The following ALK variants were observed in gnomAD, a reference collection of about 807,000 sequenced individuals.
ALK encodes ALK receptor tyrosine kinase.
In ALK, 74 loss-of-function variants were observed where a neutral mutation model predicts 163.1. That is an observed-to-expected ratio of 0.45 (90% CI 0.38 to 0.55). The LOEUF is 0.55. Among genes scored for constraint, ALK ranks in the 20% least tolerant of loss-of-function variants. The probability of loss-of-function intolerance (pLI) is 0.00; values close to 1 mark genes in which losing one functional copy is unlikely to be tolerated. For missense variants in ALK, 2,063 were observed against 2,105.3 expected (o/e 0.98, Z 0.39); for synonymous variants, 960 against 843.2 (o/e 1.14, Z -2.40).
In ALK at chr2:29,546,427, T is replaced by G. The variant is rs1260738338; in HGVS notation, c.953-14311A>C. Among the ~76,000 whole-genome samples the G allele has an allele frequency of 3.3e-5, 5 of 152,198 alleles. No homozygotes were observed. In the South Asian group the frequency reaches 8.3e-4, roughly 25 times the overall value. On this transcript the variant is annotated intron_variant, in intron 3 of 28. Transcript: ENST00000389048. ...ATCCTCAAGGAAAATAGAAAAGCAC[T>G]TGATCTGACTAGAAGGAGAAAGGGG...
chr2:29,342,425 G>T (rs1374603779), intron 5 of ALK, among the ~76,000 whole-genome samples: 1 of 152,190 alleles, frequency 6.6e-6, no homozygotes, highest in Non-Finnish European at 1.5e-5. Context: ...TAGAATGGTG[G>T]TTACAGGGTC....
intron 1 of ALK, among the ~76,000 whole-genome samples, chr2:29,825,475 TGA>T (rs1382929426): frequency 6.6e-6 from 1 of 152,076 alleles, no homozygotes; most frequent in African/African-American, 2.4e-5. Flanking sequence ...GCCAGAGGAA[TGA>T]GAGACCTTGG....
At chr2:29,720,375 T>C (rs1477731716) in intron 1 of ALK, among the ~76,000 whole-genome samples, 1 of 152,068 alleles carries the variant, frequency 6.6e-6, no homozygotes, top group Non-Finnish European at 1.5e-5. Context: ...GGTTGAATAT[T>C]GCAGGGTTGA....
chr2:29,203,485 C>CTTTTTTTTTTTTTTTTTTTT lies in ALK; in HGVS notation c.3938+3666_3938+3685dup. Among the ~76,000 whole-genome samples the CTTTTTTTTTTTTTTTTTTTT allele has an allele frequency of 6.3e-3, 206 of 32,548 alleles. 93 individuals carry two copies. The highest frequency in any genetic ancestry group is 7.1e-3 in the Non-Finnish European group (137 of 19,384). 21.4% of individuals were successfully genotyped at this position (32,548 alleles called of 152,430 possible). A position where few individuals can be genotyped will look rare whatever the true frequency, so the allele number is the denominator to read the frequency against. ...TATCACCATTGGCCTGAGGATGTGC[C>CTTTTTTTTTTTTTTTTTTTT]TTTTTTTTTTTTTTTTTTTTTTTTT... On this transcript the variant is annotated intron_variant, in intron 26 of 28. Transcript: ENST00000389048.
At chr2:29,481,245 T>C (rs1453857633) in intron 4 of ALK, among the ~76,000 whole-genome samples, 3 of 152,212 alleles carry the variant, frequency 2.0e-5, no homozygotes, top group Non-Finnish European at 4.4e-5. Flanking sequence ...CATTTCATCA[T>C]TTTCCTCTTA....
At chr2:29,509,742 A>C (rs756072654) in intron 4 of ALK, among the ~76,000 whole-genome samples, 5 of 152,200 alleles carry the variant, frequency 3.3e-5, no homozygotes, top group African/African-American at 4.8e-5. Context: ...ACAACAACTA[A>C]AATAACCTTT....
At chr2:29,814,283 G>A (rs1558499989) in intron 1 of ALK, among the ~76,000 whole-genome samples, 1 of 152,014 alleles carries the variant, frequency 6.6e-6, no homozygotes, top group Admixed American at 6.6e-5. Flanking sequence ...ACAGCCCAGT[G>A]GTGATCCTCC....
chr2:29,479,957 C>T (rs1484428704), intron 4 of ALK, among the ~76,000 whole-genome samples: 1 of 152,206 alleles, frequency 6.6e-6, no homozygotes, highest in African/African-American at 2.4e-5. Context: ...GTTGTTTGTT[C>T]TTCCTAAACA....
intron 3 of ALK, among the ~76,000 whole-genome samples, chr2:29,680,275 C>T (rs1328866633): frequency 6.6e-6 from 1 of 151,842 alleles, no homozygotes; most frequent in East Asian, 1.9e-4. Context: ...ATTTTGCCCC[C>T]CTTTTCTTTT....
chr2:29,404,394 C>T (rs1230178195), intron 4 of ALK, among the ~76,000 whole-genome samples: 1 of 150,974 alleles, frequency 6.6e-6, no homozygotes, highest in Non-Finnish European at 1.5e-5. Context: ...TCAAACAGAA[C>T]ACCTTACAGT....
chr2:29,726,832 G>A (rs1408238021), intron 1 of ALK, among the ~76,000 whole-genome samples: 1 of 152,168 alleles, frequency 6.6e-6, no homozygotes, highest in Non-Finnish European at 1.5e-5. Flanking sequence ...CTCTTTTACA[G>A]ATGAAAAGAT....
At chr2:29,688,767 C>T (rs149371244) in intron 3 of ALK, among the ~76,000 whole-genome samples, 567 of 152,328 alleles carry the variant, frequency 3.7e-3, no homozygotes, top group Non-Finnish European at 6.6e-3. Flanking sequence ...TTTCTTACCT[C>T]TCCTGACTGT....
intron 4 of ALK, among the ~76,000 whole-genome samples, chr2:29,438,062 G>A (rs1670447491): frequency 1.3e-5 from 2 of 151,588 alleles, no homozygotes; most frequent in South Asian, 4.2e-4. Context: ...ACCTTCAGAG[G>A]GCTGCCTTTA....
chr2:29,594,590 G>C (rs945851304), intron 3 of ALK, among the ~76,000 whole-genome samples: 1 of 151,790 alleles, frequency 6.6e-6, no homozygotes, highest in South Asian at 2.1e-4. Context: ...TACCATGCTT[G>C]GCTAATTTTT....
At chr2:29,275,318 G>A in intron 10 of ALK, 84 bp downstream of exon 10, 2 of 1,606,078 alleles carry the variant, frequency 1.2e-6, no homozygotes, top group South Asian at 1.1e-5. Context: ...GGGAGAGACA[G>A]TCAGGCTTAG....
intron 13 of ALK, 122 bp from the exon 14 acceptor site, chr2:29,233,818 T>A (rs1327646013): frequency 1.5e-6 from 2 of 1,310,352 alleles, no homozygotes; most frequent in Admixed American, 1.8e-5. Flanking sequence ...ACAGTTGAGT[T>A]GAGGAGGCAG....
intron 15 of ALK, among the ~76,000 whole-genome samples, chr2:29,230,175 TA>T (rs149230468): frequency 0.012 from 1,807 of 152,196 alleles, 32 homozygotes; most frequent in African/African-American, 0.04. Flanking sequence ...CATTCTCCTA[TA>T]AAAAAATCAT....
chr2:29,827,112 C>T (rs1215529449), intron 1 of ALK, among the ~76,000 whole-genome samples: 1 of 152,148 alleles, frequency 6.6e-6, no homozygotes, highest in Non-Finnish European at 1.5e-5. Flanking sequence ...GTAACTATTG[C>T]TAGAGGGAAA....
chr2:29,607,949 C>T (rs1459402212), intron 3 of ALK, among the ~76,000 whole-genome samples: 2 of 152,020 alleles, frequency 1.3e-5, no homozygotes, highest in African/African-American at 2.4e-5. Flanking sequence ...CCAACATAAT[C>T]GTGATTGCAT....
Sources: gnomAD v4.1 joint callset for allele counts (sites outside exome capture counted in the v4.1 genomes callset) on GRCh38, gnomAD v4.1.1 for gene constraint, MANE v1.5 for transcripts, NCBI Gene and HGNC (gene_info 2026-07-23, HGNC 2026-07-21) for gene names.